MACO1: variants seen among roughly 807,000 people sequenced by gnomAD.
MACO1 encodes macoilin.
In MACO1, 14 loss-of-function variants were observed where a neutral mutation model predicts 78.7. That is an observed-to-expected ratio of 0.18 (90% confidence interval 0.12 to 0.28). MACO1 has a LOEUF of 0.28. MACO1 is among the 10% of genes least tolerant of loss of function. The pLI is 1.00. For synonymous variants in MACO1, 288 were observed against 291.6 expected, an observed-to-expected ratio of 0.99 and a Z score of 0.12; for missense variants, 501 against 799.0, an observed-to-expected ratio of 0.63 and a Z score of 4.50.
intron 4 of MACO1, among the ~76,000 whole-genome samples, chr1:25,456,183 G>A (rs911900691): frequency 8.0e-5 from 12 of 149,818 alleles, no homozygotes; most frequent in Admixed American, 6.6e-4. Context: ...ACTTGAACCC[G>A]AGAGGCGGAG....
At chr1:25,473,786 A>G (rs866357237) in intron 6 of MACO1, among the ~76,000 whole-genome samples, 2 of 152,248 alleles carry the variant, frequency 1.3e-5, no homozygotes, top group South Asian at 2.1e-4. Flanking sequence ...TTGCCAGCCA[A>G]TGTGGGTATA....
At chr1:25,467,744 T>C (rs2124594592) in intron 6 of MACO1, among the ~76,000 whole-genome samples, 1 of 151,870 alleles carries the variant, frequency 6.6e-6, no homozygotes, top group Non-Finnish European at 1.5e-5. Flanking sequence ...TTTTTTTTTT[T>C]TTTTTGCAAG....
chr1:25,457,935 C>T (rs1251804428), intron 5 of MACO1, among the ~76,000 whole-genome samples: 2 of 152,106 alleles, frequency 1.3e-5, no homozygotes, highest in Non-Finnish European at 2.9e-5. Context: ...AAAATTATTC[C>T]TCTTCTTTTG....
intron 6 of MACO1, 63 bp from the exon 7 acceptor site, chr1:25,484,053 G>C (rs547179723): frequency 1.3e-6 from 2 of 1,523,716 alleles, no homozygotes; most frequent in African/African-American, 2.8e-5. Context: ...CCCCCACCAG[G>C]TCCCTCCCAG....
At chr1:25,453,508 A>C (rs138070449) in intron 3 of MACO1, among the ~76,000 whole-genome samples, 5 of 150,956 alleles carry the variant, frequency 3.3e-5, no homozygotes, top group Admixed American at 3.3e-4. Context: ...CTAAAAATAC[A>C]AAAAATTAGC....
At chr1:25,437,447 G>A (rs1164223293) in intron 1 of MACO1, among the ~76,000 whole-genome samples, 3 of 151,758 alleles carry the variant, frequency 2.0e-5, no homozygotes, top group African/African-American at 7.3e-5. Context: ...ATGAGCCACC[G>A]CACCCACCCA....
chr1:25,458,433 A>G lies in MACO1; in HGVS notation c.695A>G (p.His232Arg), dbSNP rs1304694181. The change falls in exon 6 of 11, where the codon CAC becomes CGC. Residue 232 changes from histidine to arginine, a missense_variant. Physicochemically the swap from His to Arg is conservative, Grantham distance 29. Around this residue, in one of 5 missense-constraint regions of MACO1, gnomAD observed 171 missense variants for 292.1 expected, o/e 0.59. Coordinates refer to ENST00000374343, the MANE Select transcript of MACO1 (RefSeq NM_018202.6). ...GATATGGATTCTTCGATCCTTATAC[A>G]CCACAATGGAGGTATCCCAGCCAAC... ...LPDMDSSILI[H>R]HNGGIPANKK... The G allele has an allele frequency of 6.2e-7, 1 of 1,609,816 alleles. No individual in the cohort carries two copies.
intron 8 of MACO1, among the ~76,000 whole-genome samples, chr1:25,487,457 A>G (rs1328662973): frequency 6.6e-6 from 1 of 152,168 alleles, no homozygotes; most frequent in Non-Finnish European, 1.5e-5. Context: ...CAGGCCTGCC[A>G]TAATTTATTC....
intron 1 of MACO1, among the ~76,000 whole-genome samples, chr1:25,434,096 T>C (rs1176365796): frequency 6.6e-6 from 1 of 152,256 alleles, no homozygotes; most frequent in African/African-American, 2.4e-5. Flanking sequence ...CTTGGAATTC[T>C]GTTTCGGGGT....
rs71014363 is a variant in MACO1, at chr1:25,464,338, CTTTTTTTTT to C, written c.1154+5462_1154+5470del. ...GTCTTCTATAATTTCTTTTTCTTCT[CTTTTTTTTT>C]TTTTTTTTTTTTTTTGAGATGGGTT... On this transcript the variant is annotated intron_variant, in intron 6 of 10. Coordinates refer to ENST00000374343, the MANE Select transcript of MACO1 (RefSeq NM_018202.6). Among the ~76,000 whole-genome samples the C allele has an allele frequency of 1.1e-4, 9 of 80,994 alleles. No individual in the cohort carries two copies. In the East Asian group the frequency reaches 1.7e-3, roughly 15 times the overall value. The allele number at this position is 80,994 out of a possible 152,430, so 53.1% of individuals were successfully genotyped here. A position where few individuals can be genotyped will look rare whatever the true frequency, so the allele number is the denominator to read the frequency against.
intron 6 of MACO1, among the ~76,000 whole-genome samples, chr1:25,460,137 A>G (rs1362671593): frequency 2.0e-5 from 3 of 152,204 alleles, no homozygotes; most frequent in African/African-American, 7.2e-5. Context: ...GGTTCTACTA[A>G]TACAGGCTCT....
chr1:25,491,040 A>G (rs2043481168), intron 9 of MACO1, among the ~76,000 whole-genome samples: 1 of 152,214 alleles, frequency 6.6e-6, no homozygotes, highest in African/African-American at 2.4e-5. Context: ...CATTTTTACA[A>G]TTATTAATGC....
intron 1 of MACO1, among the ~76,000 whole-genome samples, chr1:25,431,630 G>T (rs1571942653): frequency 1.3e-5 from 2 of 152,146 alleles, no homozygotes; most frequent in South Asian, 2.1e-4. Flanking sequence ...GCGCGGGGGG[G>T]TGGGGGAGGC....
At chr1:25,476,967 A>T (rs1317792619) in intron 6 of MACO1, among the ~76,000 whole-genome samples, 2 of 152,254 alleles carry the variant, frequency 1.3e-5, no homozygotes, top group African/African-American at 4.8e-5. Flanking sequence ...GACATGATCT[A>T]TAAGGATTGG....
At chr1:25,441,373 C>T (rs2042970885) in intron 1 of MACO1, among the ~76,000 whole-genome samples, 2 of 152,038 alleles carry the variant, frequency 1.3e-5, no homozygotes, top group South Asian at 4.1e-4. Flanking sequence ...TTAGTAGAGA[C>T]GGGGTTTCAC....
intron 5 of MACO1, 113 bp from the exon 6 acceptor site, chr1:25,458,278 T>G: frequency 7.0e-7 from 1 of 1,421,942 alleles, no homozygotes; most frequent in Non-Finnish European, 9.4e-7. Flanking sequence ...GTGTGCAAAC[T>G]AATGTGAATT....
At chr1:25,464,338 C>CTTT (rs71014363) in intron 6 of MACO1, among the ~76,000 whole-genome samples, 94 of 80,950 alleles carry the variant, frequency 1.2e-3, no homozygotes, top group African/African-American at 2.9e-3. Flanking sequence ...TTTTTCTTCT[C>CTTT]TTTTTTTTTT....
At chr1:25,455,832 A>G (rs977885257) in intron 4 of MACO1, among the ~76,000 whole-genome samples, 2 of 152,216 alleles carry the variant, frequency 1.3e-5, no homozygotes, top group Non-Finnish European at 2.9e-5. Context: ...CTCAGGCAGC[A>G]AGAAGATTAA....
Position 25,448,813 on chromosome 1 carries a change from C to A in MACO1, c.228C>A (p.Phe76Leu). Residue 76 changes from phenylalanine (F) to leucine (L), a missense_variant, in exon 3 of 11, where the codon TTC becomes TTA. By Grantham distance (22) the Phe-to-Leu change is conservative. Coordinates refer to ENST00000374343, the MANE Select transcript of MACO1 (RefSeq NM_018202.6). ...TGTTTTATTTTTCCCTTTAGGCCTT[C>A]TCAGTATTTTTTGTTTGTGTAGCAT... is the stretch of plus-strand genomic sequence containing the variant. ...YDSFRYQGLA[F>L]SVFFVCVAFT... 6.5e-7 allele frequency: 1 copy of A among 1,541,860 alleles called. No individual in the cohort carries two copies. The highest frequency in any genetic ancestry group is 8.8e-7 in the Non-Finnish European group (1 of 1,130,674).
Sources: allele counts gnomAD v4.1 joint callset (sites outside exome capture counted in the v4.1 genomes callset), GRCh38; gene constraint gnomAD v4.1.1; regional missense constraint gnomAD v4.1.1; transcripts MANE v1.5; gene names NCBI Gene and HGNC (gene_info 2026-07-23, HGNC 2026-07-21).